Variants in FAM222B observed in about 807,000 individuals in gnomAD.
FAM222B encodes the protein family with sequence similarity 222 member B.
Under a neutral mutation model 38.0 loss-of-function variants are expected in FAM222B, and 12 were observed. The ratio of observed to expected loss-of-function variants is 0.32; its 90% CI spans 0.20 to 0.51. The LOEUF is 0.51. Among genes scored for constraint, FAM222B ranks in the 20% least tolerant of loss-of-function variants. The probability of loss-of-function intolerance (pLI) is 0.97; values close to 1 mark genes in which losing one functional copy is unlikely to be tolerated. For missense variants in FAM222B, 716 were observed against 754.2 expected, an observed-to-expected ratio of 0.95 and a Z score of 0.59; for synonymous variants, 329 against 317.2, an observed-to-expected ratio of 1.04 and a Z score of -0.40.
chr17:28,787,128 T>A (rs941217556), intron 1 of FAM222B, among the ~76,000 whole-genome samples: 2 of 152,040 alleles, frequency 1.3e-5, no homozygotes, highest in African/African-American at 2.4e-5. Flanking sequence ...GGTTTCACCA[T>A]GTTAGCCAGG....
chr17:28,788,195 G>T (rs1360431340), intron 1 of FAM222B, among the ~76,000 whole-genome samples: 1 of 152,038 alleles, frequency 6.6e-6, no homozygotes, highest in Non-Finnish European at 1.5e-5. Context: ...GAATTATTTG[G>T]CTCCCTTCTG....
At chr17:28,767,000 A>G in intron 1 of FAM222B, 1 of 267,616 alleles carries the variant, frequency 3.7e-6, no homozygotes, top group Non-Finnish European at 7.3e-6. Context: ...ATAATGTCTC[A>G]GTATTCCTGA....
At chr17:28,790,882 C>CA (rs1164856654) in intron 1 of FAM222B, among the ~76,000 whole-genome samples, 9 of 9,320 alleles carry the variant, frequency 9.7e-4, no homozygotes, top group African/African-American at 4.1e-3. Flanking sequence ...CAAATTGTTT[C>CA]ACTTTTTTTT....
chr17:28,783,151 A>C (rs561313480), intron 1 of FAM222B, among the ~76,000 whole-genome samples: 4 of 152,162 alleles, frequency 2.6e-5, no homozygotes, highest in East Asian at 1.9e-4. Flanking sequence ...AAAAAAAAAA[A>C]AAACAAACTC....
intron 1 of FAM222B, among the ~76,000 whole-genome samples, chr17:28,806,398 C>A (rs964304906): frequency 6.6e-6 from 1 of 152,168 alleles, no homozygotes; most frequent in Non-Finnish European, 1.5e-5. Flanking sequence ...AAACTCAGTC[C>A]ATGACTGAAT....
chr17:28,778,720 T>TATATATATATATAA (rs1491503132), intron 1 of FAM222B, among the ~76,000 whole-genome samples: 1 of 35,960 alleles, frequency 2.8e-5, no homozygotes, highest in Admixed American at 4.3e-4. Context: ...TATATATATA[T>TATATATATATATAA]TTTTTTTTTT....
At chr17:28,811,041 T>C (rs915473047) in intron 1 of FAM222B, among the ~76,000 whole-genome samples, 7 of 150,666 alleles carry the variant, frequency 4.6e-5, no homozygotes, top group Non-Finnish European at 1.0e-4. Context: ...TTTTAATTAA[T>C]ATTTATCAAA....
chr17:28,805,051 A>G (rs1462255469), intron 1 of FAM222B, among the ~76,000 whole-genome samples: 1 of 151,448 alleles, frequency 6.6e-6, no homozygotes. Flanking sequence ...ATCTCAGGAA[A>G]AAAAAAAAGA....
chr17:28,848,055 G>C (rs528809661), intron 1 of FAM222B, among the ~76,000 whole-genome samples: 3 of 152,250 alleles, frequency 2.0e-5, no homozygotes, highest in African/African-American at 7.2e-5. Context: ...TGGGTGACTT[G>C]AACCCTAGAG....
chr17:28,772,041 A>T (rs188831688), intron 1 of FAM222B, among the ~76,000 whole-genome samples: 2 of 152,272 alleles, frequency 1.3e-5, no homozygotes, highest in Admixed American at 1.3e-4. Flanking sequence ...TGGGCAACAG[A>T]GCGAGACTAT....
rs547357387 is a variant in FAM222B, at chr17:28,799,798, A to C, written c.-40-33091T>G. On this transcript the variant is annotated intron_variant, in intron 1 of 2. Coordinates refer to ENST00000581407, the MANE Select transcript of FAM222B (RefSeq NM_001077498.3). The stretch of plus-strand genomic sequence containing the variant: ...TAATTATTTTATTTTTTGTAGAAAC[A>C]AGATCTCGGCTGTTGCCCAGGCTGG... Among the ~76,000 whole-genome samples the C allele has an allele frequency of 2.0e-5, 3 of 152,162 alleles. No homozygotes were observed. The East Asian group carries it at 5.8e-4, about 29-fold the overall frequency.
rs2034833147 is a variant in FAM222B, at chr17:28,758,478, T to C, written c.1481A>G (p.His494Arg). The C allele has an allele frequency of 1.9e-6, 3 of 1,613,288 alleles. No individual in the cohort carries two copies. The highest frequency in any genetic ancestry group is 2.5e-6 in the Non-Finnish European group (3 of 1,179,734). The part of the protein sequence containing the change: ...PLDCAAAPGA[H>R]YRAGTGGGPV... ...ACCGCCCCCGGTCCCTGCTCGGTAG[T>C]GGGCCCCGGGAGCTGCCGCACAGTC... Residue 494 changes from histidine (H) to arginine (R), a missense_variant, in exon 3 of 3, where the codon CAC becomes CGC. By Grantham distance (29) the His-to-Arg change is conservative (BLOSUM62 0). Transcript: ENST00000581407.
intron 1 of FAM222B, among the ~76,000 whole-genome samples, chr17:28,785,436 G>T (rs900439128): frequency 3.3e-5 from 5 of 152,152 alleles, no homozygotes; most frequent in African/African-American, 1.2e-4. Flanking sequence ...TCTAGTCAAT[G>T]TTTAACAAGC....
At chr17:28,845,458 A>G (rs1305481240), upstream of FAM222B, among the ~76,000 whole-genome samples, 2 of 151,496 alleles carry the variant, frequency 1.3e-5, no homozygotes, top group Non-Finnish European at 2.9e-5. Context: ...GGGCGCCTGT[A>G]GTCCCAGCTA....
intron 1 of FAM222B, among the ~76,000 whole-genome samples, chr17:28,768,680 T>G: frequency 6.6e-6 from 1 of 151,550 alleles, no homozygotes; most frequent in East Asian, 1.9e-4. Context: ...CTACTAAAAA[T>G]ACAAAATTAG....
rs765440260 is a variant in FAM222B at position 28,758,255 on chromosome 17, G to T, written c.*15C>A. 2.6e-6 allele frequency: 4 copies of T among 1,544,140 alleles called. No individual in the cohort carries two copies. Among genetic ancestry groups the T allele is most frequent in the Non-Finnish European group, 3.5e-6 (4 of 1,144,972 alleles). On this transcript the variant is annotated 3_prime_UTR_variant, in exon 3 of 3. Transcript: ENST00000581407. ...TGATGTATGATGTGTTGCACGTGGAGGGCAGCAGGGCTACCTATCTATACC... is the reference window on the plus strand; with the variant it reads ...TGATGTATGATGTGTTGCACGTGGATGGCAGCAGGGCTACCTATCTATACC...
intron 1 of FAM222B, among the ~76,000 whole-genome samples, chr17:28,776,875 G>A (rs778377417): frequency 4.5e-4 from 69 of 152,180 alleles, no homozygotes; most frequent in Non-Finnish European, 7.6e-4. Context: ...ATGCTGCTCT[G>A]GGAAAAATAA....
intron 1 of FAM222B, among the ~76,000 whole-genome samples, chr17:28,801,368 G>A (rs2151901292): frequency 6.6e-6 from 1 of 150,542 alleles, no homozygotes; most frequent in East Asian, 2.0e-4. Flanking sequence ...CAGGAGAATG[G>A]TGTGAACCCC....
chr17:28,769,228 G>T (rs1296045691), intron 1 of FAM222B, among the ~76,000 whole-genome samples: 4 of 122,652 alleles, frequency 3.3e-5, no homozygotes, highest in African/African-American at 1.2e-4. Flanking sequence ...TCCCCAGCCT[G>T]GAGTGCAGTG....
Sources: allele counts gnomAD v4.1 joint callset (sites outside exome capture counted in the v4.1 genomes callset), GRCh38; gene constraint gnomAD v4.1.1; transcripts MANE v1.5; gene names NCBI Gene and HGNC (gene_info 2026-07-23, HGNC 2026-07-21).